The following ITIH5 variants were observed in gnomAD, a reference collection of about 807,000 sequenced individuals.
ITIH5 encodes inter-alpha-trypsin inhibitor heavy chain 5.
Under a neutral mutation model 77.5 loss-of-function variants are expected in ITIH5, and 65 were observed. The observed-to-expected ratio is 0.84, with a 90% CI of 0.69 to 1.03. ITIH5 has a LOEUF of 1.03. Ranked by LOEUF, ITIH5 falls within the 50% of genes least tolerant of loss-of-function variation. The pLI is 0.00. For missense variants in ITIH5, 1,208 were observed against 1,213.1 expected (o/e 1.00, Z 0.06); for synonymous variants, 525 against 494.3 (o/e 1.06, Z -0.82).
chr10:7,575,674 C>T (rs1490454595), intron 10 of ITIH5, among the ~76,000 whole-genome samples: 2 of 152,072 alleles, frequency 1.3e-5, no homozygotes, highest in Non-Finnish European at 2.9e-5. Context: ...ATGGAAAGAC[C>T]GGATTCTTGC....
At chr10:7,590,994 T>G (rs1167772241) in intron 7 of ITIH5, among the ~76,000 whole-genome samples, 1 of 152,198 alleles carries the variant, frequency 6.6e-6, no homozygotes, top group African/African-American at 2.4e-5. Context: ...CCTCCCGGGT[T>G]CAAGCGATTC....
chr10:7,624,101 C>T (rs1279040298), intron 5 of ITIH5, among the ~76,000 whole-genome samples: 2 of 152,166 alleles, frequency 1.3e-5, no homozygotes, highest in Non-Finnish European at 2.9e-5. Flanking sequence ...ATAATAGATT[C>T]CCAACTCTCA....
chr10:7,658,301 C>T (rs2131111666), intron 1 of ITIH5, among the ~76,000 whole-genome samples: 1 of 152,236 alleles, frequency 6.6e-6, no homozygotes, highest in South Asian at 2.1e-4. Context: ...TGCTTTATCT[C>T]CCCACCCAAA....
At position 7,563,023 on chromosome 10, in the gene ITIH5, GC is replaced by G; in HGVS notation, c.*59del. 1.4e-6 allele frequency: 2 copies of G among 1,478,360 alleles called. No homozygotes were observed. Among genetic ancestry groups the G allele is most frequent in the Non-Finnish European group, 1.9e-6 (2 of 1,057,252 alleles). 91.6% of individuals were successfully genotyped at this position (1,478,360 alleles called of 1,614,324 possible). ...GCGTGTACAAGCCATGAAAAGAGCTGCCCCACGGCCTCCCCACATCACTGTC... is the reference window on the plus strand; with the variant it reads ...GCGTGTACAAGCCATGAAAAGAGCTGCCCACGGCCTCCCCACATCACTGTC... On this transcript the variant is annotated 3_prime_UTR_variant, in exon 14 of 14. Coordinates refer to ENST00000397146, the MANE Select transcript of ITIH5 (RefSeq NM_030569.7).
At chr10:7,566,521 A>G (rs1832163473) in intron 12 of ITIH5, 114 bp from the exon 13 acceptor site, 2 of 972,282 alleles carry the variant, frequency 2.1e-6, no homozygotes, top group East Asian at 4.9e-5. Context: ...TGAGTCCAGG[A>G]GTTCAAGACC....
rs774572211 is a variant in ITIH5, at chr10:7,563,321, G to T, written c.2591C>A (p.Thr864Asn). 6.2e-7 allele frequency: 1 copy of T among 1,614,220 alleles called. No individual in the cohort carries two copies. The highest frequency in any genetic ancestry group is 8.5e-7 in the Non-Finnish European group (1 of 1,180,030). ...TCCCACCTGAAGGAGCAGAGGGTGA[G>T]TGAGGTTCTGGCTGGGCCCTGCAGG... Reference protein sequence around the residue: ...EDPAGPSQNLTHPLLLQVGEG... With the variant: ...EDPAGPSQNLNHPLLLQVGEG... Residue 864 changes from threonine (T) to asparagine (N), a missense_variant, in exon 14 of 14, where the codon ACT (threonine) becomes AAT (asparagine). Transcript: ENST00000397146.
chr10:7,663,376 T>G (rs1834309963), intron 1 of ITIH5, among the ~76,000 whole-genome samples: 1 of 152,234 alleles, frequency 6.6e-6, no homozygotes, highest in Non-Finnish European at 1.5e-5. Flanking sequence ...CTGAATTAAC[T>G]CATTTAATCC....
At chr10:7,591,820 C>T (rs1231438037) in intron 7 of ITIH5, among the ~76,000 whole-genome samples, 1 of 152,150 alleles carries the variant, frequency 6.6e-6, no homozygotes, top group East Asian at 1.9e-4. Context: ...TGTCCATCTC[C>T]AGTCTATGCT....
At chr10:7,597,833 T>C (rs1000211669) in intron 7 of ITIH5, among the ~76,000 whole-genome samples, 1 of 152,222 alleles carries the variant, frequency 6.6e-6, no homozygotes, top group African/African-American at 2.4e-5. Flanking sequence ...TATGTTACAT[T>C]CTGCAGGTCA....
In ITIH5 at chr10:7,590,601, A is replaced by C. The variant is rs188709287; in HGVS notation, c.940-4532T>G. 7.7e-4 allele frequency among the ~76,000 whole-genome samples: 118 copies of C among 152,310 alleles called. 1 individual carries two copies. The highest frequency in any genetic ancestry group is 2.7e-3 in the African/African-American group (114 of 41,560). On this transcript the variant is annotated intron_variant, in intron 7 of 13. Transcript: ENST00000397146. ...TCATATACGGTTTTCATGTCAATGG[A>C]GAAATGTTTGCCACGTCATTTCAAT...
At chr10:7,651,701 C>T (rs1834103884) in intron 2 of ITIH5, among the ~76,000 whole-genome samples, 1 of 152,116 alleles carries the variant, frequency 6.6e-6, no homozygotes, top group Non-Finnish European at 1.5e-5. Flanking sequence ...GGACCAGGTA[C>T]CTGACAACTA....
chr10:7,652,158 A>G (rs1400268187), intron 2 of ITIH5, among the ~76,000 whole-genome samples: 1 of 152,208 alleles, frequency 6.6e-6, no homozygotes, highest in Non-Finnish European at 1.5e-5. Flanking sequence ...TTTTGTGTGT[A>G]TGTATGCCAG....
chr10:7,601,999 C>T (rs1268664712), intron 7 of ITIH5, among the ~76,000 whole-genome samples: 5 of 152,076 alleles, frequency 3.3e-5, no homozygotes, highest in Admixed American at 1.3e-4. Flanking sequence ...ACTACAGGTA[C>T]GTGCCACCAC....
chr10:7,632,290 G>A (rs1044971006), intron 5 of ITIH5, among the ~76,000 whole-genome samples: 2 of 152,140 alleles, frequency 1.3e-5, no homozygotes, highest in Non-Finnish European at 2.9e-5. Context: ...GTTGCCTGGG[G>A]CTGGGGTAGC....
chr10:7,565,599 T>C (rs1832134140), intron 13 of ITIH5, among the ~76,000 whole-genome samples: 1 of 148,732 alleles, frequency 6.7e-6, no homozygotes, highest in South Asian at 2.1e-4. Context: ...TACATGTATA[T>C]TTATAATATA....
rs760000986 is a variant in ITIH5, at chr10:7,576,471, C to T, written c.1960G>A (p.Gly654Arg). The change falls in exon 10 of 14, where the codon GGA becomes AGA. Residue 654 changes from glycine to arginine, a missense_variant. Coordinates refer to ENST00000397146, the MANE Select transcript of ITIH5 (RefSeq NM_030569.7). ...GPEPVVQSVR[G>R]AGTQPGPLLK... ...CTCGTACCTGGCTGCGTGCCAGCTCCTCGCACGCTCTGCACCACCGGTTCG... is the reference window on the plus strand; with the variant it reads ...CTCGTACCTGGCTGCGTGCCAGCTCTTCGCACGCTCTGCACCACCGGTTCG... 7.4e-5 allele frequency: 119 copies of T among 1,599,470 alleles called. 1 individual carries two copies. The highest frequency in any genetic ancestry group is 9.5e-5 in the Non-Finnish European group (112 of 1,175,586).
intron 7 of ITIH5, among the ~76,000 whole-genome samples, chr10:7,601,311 C>T (rs1332510533): frequency 6.6e-6 from 1 of 152,024 alleles, no homozygotes. Flanking sequence ...GAGGGCCAGC[C>T]CAGGGGGGTT....
chr10:7,611,819 C>CT (rs1158069005), intron 7 of ITIH5, among the ~76,000 whole-genome samples: 21 of 151,564 alleles, frequency 1.4e-4, no homozygotes, highest in Non-Finnish European at 1.0e-4. Flanking sequence ...CGATTTTCCC[C>CT]TTTGTAATTA....
At chr10:7,607,444 A>G (rs1455074939) in intron 7 of ITIH5, among the ~76,000 whole-genome samples, 1 of 152,216 alleles carries the variant, frequency 6.6e-6, no homozygotes, top group East Asian at 1.9e-4. Context: ...CCAGGAGTTC[A>G]AAACTAGCAT....
Sources: gnomAD v4.1 joint callset for allele counts (sites outside exome capture counted in the v4.1 genomes callset) on GRCh38, gnomAD v4.1.1 for gene constraint, MANE v1.5 for transcripts, NCBI Gene and HGNC (gene_info 2026-07-23, HGNC 2026-07-21) for gene names.